Variants in EXOC2 observed in about 807,000 individuals in gnomAD.
EXOC2 encodes exocyst complex component 2.
EXOC2 carries 70 observed loss-of-function variants against 131.8 expected under a neutral mutation model. The observed-to-expected ratio is 0.53, with a 90% confidence interval of 0.44 to 0.65. The LOEUF (loss-of-function observed/expected upper bound fraction) is 0.65, where lower values mean the gene tolerates loss of function less well. Ranked by LOEUF, EXOC2 falls within the 30% of genes least tolerant of loss-of-function variation. The probability of loss-of-function intolerance (pLI) is 0.00; values close to 1 mark genes in which losing one functional copy is unlikely to be tolerated. For missense variants in EXOC2, 923 were observed against 1,108.6 expected (o/e 0.83, Z 2.38); for synonymous variants, 411 against 398.4 (o/e 1.03, Z -0.38).
At chr6:673,352 G>A (rs545505262) in intron 1 of EXOC2, among the ~76,000 whole-genome samples, 43 of 149,438 alleles carry the variant, frequency 2.9e-4, no homozygotes, top group Non-Finnish European at 5.6e-4. Flanking sequence ...ACTGGTTAGT[G>A]TTCCATTAAA....
Position 555,234 on chromosome 6 carries a change from T to A in EXOC2, c.2047A>T (p.Thr683Ser). 6.7e-7 allele frequency: 1 copy of A among 1,501,322 alleles called. No individual in the cohort carries two copies. The highest frequency in any genetic ancestry group is 1.5e-5 in the South Asian group (1 of 68,482). The allele number at this position is 1,501,322 out of a possible 1,614,324, so 93.0% of individuals were successfully genotyped here. ...LSTKPDADID[T>S]THLSVDVSSP... The stretch of plus-strand genomic sequence containing the variant: ...AATTTAATTTTTACTTACTGTGTAG[T>A]ATCTATATCTGCATCAGGCTTGGTG... The change falls in exon 20 of 28, where the codon ACT becomes TCT. Residue 683 changes from threonine to serine, a missense_variant. Transcript: ENST00000230449.
At chr6:688,611 G>A (rs771027486) in intron 1 of EXOC2, among the ~76,000 whole-genome samples, 63 of 152,268 alleles carry the variant, frequency 4.1e-4, no homozygotes, top group Non-Finnish European at 6.6e-4. Flanking sequence ...GAGGCAGTTC[G>A]GTGTTACTCT....
intron 7 of EXOC2, among the ~76,000 whole-genome samples, chr6:603,879 A>G (rs1760249811): frequency 1.3e-5 from 2 of 152,236 alleles, no homozygotes; most frequent in African/African-American, 2.4e-5. Context: ...TTCACTAGAC[A>G]TGCAATAATG....
At chr6:670,065 T>G (rs946324455) in intron 1 of EXOC2, 5 of 152,424 alleles carry the variant, frequency 3.3e-5, no homozygotes, top group Middle Eastern at 3.4e-3. Context: ...CACCGACCAC[T>G]GCACAGAGAA....
At chr6:620,522 C>G (rs989245698) in intron 4 of EXOC2, among the ~76,000 whole-genome samples, 1 of 152,180 alleles carries the variant, frequency 6.6e-6, no homozygotes, top group Non-Finnish European at 1.5e-5. Flanking sequence ...AAGGTATAAA[C>G]CAGACACAGA....
intron 1 of EXOC2, chr6:656,131 GAA>G: frequency 6.2e-7 from 1 of 1,611,314 alleles, no homozygotes; most frequent in Non-Finnish European, 8.5e-7. Flanking sequence ...ATGAAATACT[GAA>G]GAGAGACATC....
At chr6:515,991 T>G (rs1429861026) in intron 23 of EXOC2, among the ~76,000 whole-genome samples, 1 of 152,166 alleles carries the variant, frequency 6.6e-6, no homozygotes, top group South Asian at 2.1e-4. Context: ...ACCATAACAT[T>G]TGGAAATCAT....
intron 23 of EXOC2, among the ~76,000 whole-genome samples, chr6:525,774 A>G (rs1765702425): frequency 6.6e-6 from 1 of 152,222 alleles, no homozygotes; most frequent in African/African-American, 2.4e-5. Context: ...GTCAAATTGT[A>G]CATATGAAAT....
chr6:541,263 C>CT (rs1418648742), intron 22 of EXOC2, among the ~76,000 whole-genome samples: 1 of 151,868 alleles, frequency 6.6e-6, no homozygotes, highest in Non-Finnish European at 1.5e-5. Context: ...AAATTCAAAA[C>CT]TAAAAAAAAT....
At chr6:497,280 G>T in intron 25 of EXOC2, 87 bp downstream of exon 25, 1 of 1,252,268 alleles carries the variant, frequency 8.0e-7, no homozygotes, top group Non-Finnish European at 1.1e-6. Context: ...AAAGAAGCCT[G>T]TCATATCATA....
intron 20 of EXOC2, among the ~76,000 whole-genome samples, chr6:554,262 A>G (rs1014357084): frequency 2.0e-5 from 3 of 152,082 alleles, no homozygotes; most frequent in Non-Finnish European, 2.9e-5. Flanking sequence ...GGCTGGTCTC[A>G]AACTCCTGAC....
At chr6:634,109 A>T (rs1436123353) in intron 2 of EXOC2, among the ~76,000 whole-genome samples, 2 of 151,742 alleles carry the variant, frequency 1.3e-5, no homozygotes, top group East Asian at 3.9e-4. Context: ...TCTGTTGCCC[A>T]GGCTGGAATG....
At chr6:559,212 C>T (rs1581436856) in intron 17 of EXOC2, among the ~76,000 whole-genome samples, 1 of 152,122 alleles carries the variant, frequency 6.6e-6, no homozygotes, top group Admixed American at 6.5e-5. Context: ...AGGATGCTTT[C>T]GAGTGAGCTG....
chr6:568,042 C>T (rs756424106), intron 13 of EXOC2, among the ~76,000 whole-genome samples: 11 of 152,158 alleles, frequency 7.2e-5, no homozygotes, highest in African/African-American at 1.2e-4. Flanking sequence ...GACACTGCTG[C>T]GGAGCCCAGC....
chr6:656,697 G>C (rs952087853), intron 1 of EXOC2: 16 of 1,605,216 alleles, frequency 1.0e-5, no homozygotes, highest in Non-Finnish European at 1.4e-5. Flanking sequence ...GTGCTCCGCC[G>C]TCAGCTCCAG....
chr6:675,922 G>A lies in EXOC2; in HGVS notation c.-44+17097C>T, dbSNP rs568496789. Among the ~76,000 whole-genome samples, 3 of 113,368 alleles carry A rather than the reference G, an allele frequency of 2.6e-5. No homozygotes were observed. In the South Asian group the frequency reaches 1.0e-3, roughly 38 times the overall value. 74.4% of individuals were successfully genotyped at this position (113,368 alleles called of 152,430 possible). A position where few individuals can be genotyped will look rare whatever the true frequency, so the allele number is the denominator to read the frequency against. Reference sequence around the variant, plus strand: ...AAGGACAGTTTCCTCTGGAGACTGCGGTTTCCCATACTCTTCAACATTACA... The same window carrying A: ...AAGGACAGTTTCCTCTGGAGACTGCAGTTTCCCATACTCTTCAACATTACA... On this transcript the variant is annotated intron_variant, in intron 1 of 27. Coordinates refer to ENST00000230449, the MANE Select transcript of EXOC2 (RefSeq NM_018303.6).
intron 22 of EXOC2, among the ~76,000 whole-genome samples, chr6:536,306 A>G (rs1766440506): frequency 6.6e-6 from 1 of 151,676 alleles, no homozygotes; most frequent in East Asian, 1.9e-4. Context: ...AGCAGAGTCA[A>G]TAACAAAAAT....
chr6:624,101 C>T (rs1761432163), intron 4 of EXOC2, among the ~76,000 whole-genome samples: 1 of 152,104 alleles, frequency 6.6e-6, no homozygotes, highest in Non-Finnish European at 1.5e-5. Flanking sequence ...AAAATATATG[C>T]CTAAATATAC....
intron 6 of EXOC2, among the ~76,000 whole-genome samples, chr6:616,692 A>G (rs1761030589): frequency 6.7e-6 from 1 of 149,910 alleles, no homozygotes; most frequent in Non-Finnish European, 1.5e-5. Flanking sequence ...AATGTGTTGG[A>G]GGTCAATTAA....
Sources: allele counts gnomAD v4.1 joint callset (sites outside exome capture counted in the v4.1 genomes callset), GRCh38; gene constraint gnomAD v4.1.1; transcripts MANE v1.5; gene names NCBI Gene and HGNC (gene_info 2026-07-23, HGNC 2026-07-21).